TRIM2: variants seen among roughly 807,000 people sequenced by gnomAD.
TRIM2 encodes the protein tripartite motif containing 2.
TRIM2 carries 20 observed loss-of-function variants against 75.2 expected under a neutral mutation model. The ratio of observed to expected loss-of-function variants is 0.27; its 90% CI spans 0.19 to 0.39. TRIM2 has a LOEUF of 0.39. Ranked by LOEUF, TRIM2 falls within the 10% of genes least tolerant of loss-of-function variation. The pLI is 1.00. For missense variants in TRIM2, 660 were observed against 990.8 expected (o/e 0.67, Z 4.48); for synonymous variants, 373 against 388.3 (o/e 0.96, Z 0.46).
intron 1 of TRIM2, among the ~76,000 whole-genome samples, chr4:153,261,233 C>A (rs1008906601): frequency 2.0e-5 from 3 of 152,164 alleles, no homozygotes; most frequent in Admixed American, 6.5e-5. Context: ...ACCAGCCTGG[C>A]CAGTATGGTG....
At position 153,324,090 on chromosome 4, in the gene TRIM2, C is replaced by T; in HGVS notation, c.1964C>T (p.Ala655Val). ...ATCTTTATTGCAGGTCCCCATTTTGCAGCTGTAAATAGCAATAATGAGATT... is the reference window on the plus strand; with the variant it reads ...ATCTTTATTGCAGGTCCCCATTTTGTAGCTGTAAATAGCAATAATGAGATT... ...GDRQFAGPHF[A>V]AVNSNNEIII... Residue 655 changes from alanine to valine, a missense_variant, in exon 10 of 12, where the codon GCA becomes GTA. Physicochemically the swap from Ala to Val is moderately conservative, Grantham distance 64. This residue lies in a region of TRIM2 where 620 missense variants were observed against 891.0 expected (regional missense o/e 0.70). Transcript: ENST00000338700. 1.2e-6 allele frequency: 2 copies of T among 1,612,170 alleles called. No homozygotes were observed. Among genetic ancestry groups the T allele is most frequent in the African/African-American group, 1.3e-5 (1 of 74,936 alleles).
At chr4:153,156,048 G>C (rs1212994362) in intron 1 of TRIM2, among the ~76,000 whole-genome samples, 1 of 152,232 alleles carries the variant, frequency 6.6e-6, no homozygotes, top group East Asian at 1.9e-4. Flanking sequence ...GACATCTCCA[G>C]ATCTTTAGAG....
chr4:153,329,977 G>T (rs554369628), intron 11 of TRIM2, among the ~76,000 whole-genome samples: 41 of 151,988 alleles, frequency 2.7e-4, no homozygotes, highest in African/African-American at 9.2e-4. Flanking sequence ...TAAGAGAAAA[G>T]ACACAAAATA....
intron 1 of TRIM2, among the ~76,000 whole-genome samples, chr4:153,229,317 G>A (rs755783132): frequency 2.2e-4 from 33 of 152,204 alleles, no homozygotes; most frequent in Non-Finnish European, 4.0e-4. Context: ...AGGCTGGAGT[G>A]CAGTGGTGCG....
At chr4:153,191,027 C>T (rs528170547) in intron 1 of TRIM2, among the ~76,000 whole-genome samples, 3 of 152,300 alleles carry the variant, frequency 2.0e-5, no homozygotes, top group South Asian at 2.1e-4. Flanking sequence ...TGAGCCACCG[C>T]GCCCAGCCTG....
chr4:153,267,587 CT>C (rs1287517873), intron 1 of TRIM2, among the ~76,000 whole-genome samples: 1 of 152,108 alleles, frequency 6.6e-6, no homozygotes, highest in Non-Finnish European at 1.5e-5. Flanking sequence ...GGAGGCGGAG[CT>C]TGCAGTGAGG....
intron 2 of TRIM2, among the ~76,000 whole-genome samples, chr4:153,275,176 C>T (rs1200944106): frequency 6.6e-6 from 1 of 152,228 alleles, no homozygotes; most frequent in Non-Finnish European, 1.5e-5. Flanking sequence ...CTCAAGGAAT[C>T]ATAACAGTAC....
intron 1 of TRIM2, among the ~76,000 whole-genome samples, chr4:153,186,523 G>A (rs1252601947): frequency 1.3e-5 from 2 of 152,152 alleles, no homozygotes; most frequent in East Asian, 1.9e-4. Context: ...AAAGGGCCTC[G>A]TTCTAGTGCT....
intron 1 of TRIM2, among the ~76,000 whole-genome samples, chr4:153,172,236 G>A (rs1051276727): frequency 4.6e-5 from 7 of 151,776 alleles, no homozygotes; most frequent in South Asian, 2.1e-4. Context: ...CACCCAGGCC[G>A]GAGTGCAGTG....
chr4:153,262,834 A>G (rs916065770), intron 1 of TRIM2, among the ~76,000 whole-genome samples: 1 of 152,252 alleles, frequency 6.6e-6, no homozygotes, highest in Admixed American at 6.5e-5. Flanking sequence ...CATGGAGGTT[A>G]GAAGCAAGAT....
At chr4:153,245,071 T>G (rs902603975) in intron 1 of TRIM2, among the ~76,000 whole-genome samples, 1 of 152,234 alleles carries the variant, frequency 6.6e-6, no homozygotes, top group Non-Finnish European at 1.5e-5. Context: ...TGCACGTGTC[T>G]GTGCACAGCA....
At chr4:153,181,878 A>G (rs550935368) in intron 1 of TRIM2, among the ~76,000 whole-genome samples, 1 of 152,290 alleles carries the variant, frequency 6.6e-6, no homozygotes, top group South Asian at 2.1e-4. Context: ...GGTGCCTCAC[A>G]GGAGTCAGAA....
chr4:153,227,440 C>T (rs188508481), intron 1 of TRIM2, among the ~76,000 whole-genome samples: 5 of 152,220 alleles, frequency 3.3e-5, no homozygotes, highest in Admixed American at 1.3e-4. Flanking sequence ...TCTCTTTAAT[C>T]GCCAAAATAG....
chr4:153,210,691 T>G (rs1736744177), intron 1 of TRIM2, among the ~76,000 whole-genome samples: 1 of 152,222 alleles, frequency 6.6e-6, no homozygotes. Context: ...ATCAGTGATT[T>G]CTTAGAAATG....
At chr4:153,180,291 T>C (rs1180216849) in intron 1 of TRIM2, among the ~76,000 whole-genome samples, 1 of 152,222 alleles carries the variant, frequency 6.6e-6, no homozygotes, top group Admixed American at 6.5e-5. Context: ...ACATTTCACA[T>C]GCTGTCTCAT....
chr4:153,220,066 A>T (rs898135176), intron 1 of TRIM2, among the ~76,000 whole-genome samples: 1 of 152,130 alleles, frequency 6.6e-6, no homozygotes, highest in African/African-American at 2.4e-5. Flanking sequence ...GTAATTGAGG[A>T]AAGGGAGGAA....
chr4:153,333,033 G>T (rs1771837517), intron 11 of TRIM2, among the ~76,000 whole-genome samples: 1 of 152,098 alleles, frequency 6.6e-6, no homozygotes, highest in African/African-American at 2.4e-5. Flanking sequence ...GTTCATAGAA[G>T]ATTTATTTGT....
chr4:153,322,707 G>A lies in TRIM2; in HGVS notation c.1842G>A (p.Gly614=). ...AAGGAGTTTCTGTGGACCGCAATGG[G>A]CACATTATTGTTGTGGACAACAAGG... ...GPKGVSVDRN[G]HIIVVDNKAC... Residue 614 remains glycine (G), a synonymous_variant, in exon 9 of 12, where the codon GGG becomes GGA. Transcript: ENST00000338700. 1 of 1,614,188 alleles carries A rather than the reference G, an allele frequency of 6.2e-7. No individual in the cohort carries two copies. The highest frequency in any genetic ancestry group is 8.5e-7 in the Non-Finnish European group (1 of 1,180,038).
chr4:153,221,206 A>G (rs1260166967), intron 1 of TRIM2, among the ~76,000 whole-genome samples: 4 of 152,188 alleles, frequency 2.6e-5, no homozygotes, highest in Non-Finnish European at 5.9e-5. Context: ...TCCTGAGTAA[A>G]CTGAAAAAAT....
Sources: allele counts gnomAD v4.1 joint callset (sites outside exome capture counted in the v4.1 genomes callset), GRCh38; gene constraint gnomAD v4.1.1; regional missense constraint gnomAD v4.1.1; transcripts MANE v1.5; gene names NCBI Gene and HGNC (gene_info 2026-07-23, HGNC 2026-07-21).